SLC30A5: variants seen among roughly 807,000 people sequenced by gnomAD.
SLC30A5 encodes the protein solute carrier family 30 member 5.
SLC30A5 carries 33 observed loss-of-function variants against 79.6 expected under a neutral mutation model. The observed-to-expected ratio is 0.41, with a 90% CI of 0.31 to 0.55. The LOEUF (loss-of-function observed/expected upper bound fraction) is 0.55, where lower values mean the gene tolerates loss of function less well. SLC30A5 is among the 20% of genes least tolerant of loss of function. The probability of loss-of-function intolerance (pLI) is 0.20; values close to 1 mark genes in which losing one functional copy is unlikely to be tolerated. For missense variants in SLC30A5, 788 were observed against 928.1 expected (o/e 0.85, Z 1.96); for synonymous variants, 299 against 319.7 (o/e 0.94, Z 0.69).
At position 69,129,858 on chromosome 5, in the gene SLC30A5, A is replaced by G. The variant is rs1462666314; in HGVS notation, c.*241A>G. On this transcript the variant is annotated 3_prime_UTR_variant, in exon 16 of 16. Coordinates refer to ENST00000396591, the MANE Select transcript of SLC30A5 (RefSeq NM_022902.5). ...ATCAAATTTTGAGTAAACATGATGTATTACATCATCTTCAAAAATAGATAT... is the reference window on the plus strand; with the variant it reads ...ATCAAATTTTGAGTAAACATGATGTGTTACATCATCTTCAAAAATAGATAT... 3.2e-6 allele frequency: 1 copy of G among 312,202 alleles called. No individual in the cohort carries two copies. Among genetic ancestry groups the G allele is most frequent in the East Asian group, 5.2e-5 (1 of 19,146 alleles). The allele number at this position is 312,202 out of a possible 1,614,324, so 19.3% of individuals were successfully genotyped here.
rs748454192 is a variant in SLC30A5 at position 69,108,316 on chromosome 5, C to T, written c.360-33C>T. The T allele has an allele frequency of 1.2e-5, 18 of 1,511,708 alleles. No individual in the cohort carries two copies. The African/African-American group carries it at 2.1e-4, about 17-fold the overall frequency. The allele number at this position is 1,511,708 out of a possible 1,614,324, so 93.6% of individuals were successfully genotyped here. A position where few individuals can be genotyped will look rare whatever the true frequency, so the allele number is the denominator to read the frequency against. On this transcript the variant is annotated intron_variant, in intron 4 of 15. Coordinates refer to ENST00000396591, the MANE Select transcript of SLC30A5 (RefSeq NM_022902.5). ...CATGCGTCTTGATAAAGATAAATTACATTTCATAAATGATAATGTTTTATT... is the reference window on the plus strand; with the variant it reads ...CATGCGTCTTGATAAAGATAAATTATATTTCATAAATGATAATGTTTTATT...
At chr5:69,115,896 G>C (rs748649037) in intron 8 of SLC30A5, 30 bp from the exon 9 acceptor site, 1 of 1,557,406 alleles carries the variant, frequency 6.4e-7, no homozygotes, top group Non-Finnish European at 8.7e-7. Flanking sequence ...TACATGTATA[G>C]TCTTGACAAT....
chr5:69,098,451 G>A (rs549394815), intron 1 of SLC30A5, among the ~76,000 whole-genome samples: 42 of 152,034 alleles, frequency 2.8e-4, no homozygotes, highest in East Asian at 7.7e-4. Context: ...GCTTGAACCC[G>A]GGGGTTCAAT....
intron 5 of SLC30A5, among the ~76,000 whole-genome samples, chr5:69,110,440 C>T (rs776066954): frequency 3.9e-5 from 6 of 152,116 alleles, no homozygotes; most frequent in Non-Finnish European, 8.8e-5. Flanking sequence ...CCAAGTAGAG[C>T]AGAGTAAAAG....
intron 15 of SLC30A5, among the ~76,000 whole-genome samples, chr5:69,128,804 A>T (rs1030894528): frequency 2.2e-4 from 33 of 152,158 alleles, no homozygotes; most frequent in African/African-American, 7.5e-4. Context: ...ATGTTTGGAG[A>T]TAGAGGTCAG....
rs368077529 is a variant in SLC30A5 at position 69,128,122 on chromosome 5, T to C, written c.2117T>C (p.Ile706Thr). 3.7e-6 allele frequency: 6 copies of C among 1,609,254 alleles called. No individual in the cohort carries two copies. In the African/African-American group the frequency reaches 8.0e-5, roughly 22 times the overall value. Reference protein sequence around the residue: ...QVTSDVLEQRIVQQVTGILKD... With the variant: ...QVTSDVLEQRTVQQVTGILKD... ...ACATCTGATGTGCTAGAACAAAGAATAGTACAGCAGGTAATCTTTTGTTTT... is the reference window on the plus strand; with the variant it reads ...ACATCTGATGTGCTAGAACAAAGAACAGTACAGCAGGTAATCTTTTGTTTT... Residue 706 changes from isoleucine to threonine, a missense_variant, in exon 15 of 16, where the codon ATA becomes ACA. By Grantham distance (89) the Ile-to-Thr change is moderately conservative (BLOSUM62 -1). Around this residue, in one of 3 missense-constraint regions of SLC30A5, gnomAD observed 158 missense variants for 156.2 expected, o/e 1.01. Transcript: ENST00000396591.
In SLC30A5 at chr5:69,094,262, G is replaced by A. The variant is rs1268856882; in HGVS notation, c.7G>A (p.Glu3Lys). Residue 3 changes from glutamate (E) to lysine (K), a missense_variant, in exon 1 of 16, where the codon GAG (glutamate) becomes AAG (lysine). Transcript: ENST00000396591. ...GCGGCTCGTGAGCCCCGGGATGGAG[G>A]AGAAATACGGCGGGGACGTGCTGGC... ME[E>K]KYGGDVLAGP... 10 of 1,251,802 alleles carry A rather than the reference G, an allele frequency of 8.0e-6. No homozygotes were observed. The highest frequency in any genetic ancestry group is 2.4e-4 in the Middle Eastern group (1 of 4,244). The allele number at this position is 1,251,802 out of a possible 1,614,324, so 77.5% of individuals were successfully genotyped here.
At chr5:69,125,898 T>TAAAAAAAAAAAAAAAAAAAAAAA (rs1167851324) in intron 14 of SLC30A5, among the ~76,000 whole-genome samples, 2 of 102,512 alleles carry the variant, frequency 2.0e-5, no homozygotes, top group Non-Finnish European at 1.8e-5. Flanking sequence ...AAAAAAAAAT[T>TAAAAAAAAAAAAAAAAAAAAAAA]AGCTGGGTGT....
intron 14 of SLC30A5, among the ~76,000 whole-genome samples, chr5:69,124,152 C>CAAGAATA (rs1459182680): frequency 1.4e-5 from 2 of 142,826 alleles, no homozygotes; most frequent in African/African-American, 5.2e-5. Flanking sequence ...GGTCCTTGCA[C>CAAGAATA]AAGAATAAAG....
intron 1 of SLC30A5, among the ~76,000 whole-genome samples, chr5:69,098,983 G>A (rs939935180): frequency 2.6e-5 from 4 of 152,184 alleles, no homozygotes; most frequent in Admixed American, 6.6e-5. Flanking sequence ...ATTATAACTA[G>A]TATTTGATTT....
In SLC30A5 at chr5:69,128,127, C is replaced by T. The variant is rs1487400239; in HGVS notation, c.2122C>T (p.Gln708Ter). 2 of 1,604,090 alleles carry T rather than the reference C, an allele frequency of 1.2e-6. No individual in the cohort carries two copies. The highest frequency in any genetic ancestry group is 1.7e-6 in the Non-Finnish European group (2 of 1,175,520). ...TGATGTGCTAGAACAAAGAATAGTA[C>T]AGCAGGTAATCTTTTGTTTTTAAAG... The part of the protein sequence containing the change: ...TSDVLEQRIV[Q>*]QVTGILKDAG... The change falls in exon 15 of 16, where the codon CAG becomes TAG. Residue 708 changes from glutamine to a stop codon, truncating the protein, a stop_gained. Coordinates refer to ENST00000396591, the MANE Select transcript of SLC30A5 (RefSeq NM_022902.5). LOFTEE classifies it high-confidence loss of function.
intron 1 of SLC30A5, among the ~76,000 whole-genome samples, chr5:69,095,305 A>G (rs556393320): frequency 6.6e-6 from 1 of 150,484 alleles, no homozygotes; most frequent in South Asian, 2.1e-4. Context: ...GGTTCAAAAG[A>G]TTCTCCTGCC....
intron 15 of SLC30A5, 101 bp downstream of exon 15, chr5:69,128,233 A>C: frequency 1.2e-6 from 1 of 840,440 alleles, no homozygotes; most frequent in Non-Finnish European, 1.7e-6. Context: ...CTATTCAGAA[A>C]TATCAATCTT....
rs757087466 is a variant in SLC30A5 at position 69,116,551 on chromosome 5, T to A, written c.1230T>A (p.Ile410=). ...PRFIKESLKQ[I]LEESDSRQIF... is the part of the protein sequence containing the mutation. ...TTATTAAGGAATCACTAAAACAAAT[T>A]CTTGAGGAGAGTGACTCTAGGCAGA... The change falls in exon 10 of 16, where the codon ATT becomes ATA. Residue 410 remains isoleucine (I), a synonymous_variant. Transcript: ENST00000396591. The surrounding 1 kb of genome is among the most constrained non-coding windows in gnomAD (Gnocchi z 4.0). 1 of 1,610,010 alleles carries A rather than the reference T, an allele frequency of 6.2e-7. No homozygotes were observed. Among genetic ancestry groups the A allele is most frequent in the Non-Finnish European group, 8.5e-7 (1 of 1,178,888 alleles).
intron 4 of SLC30A5, among the ~76,000 whole-genome samples, chr5:69,106,969 A>T (rs895953482): frequency 1.3e-5 from 2 of 151,276 alleles, no homozygotes; most frequent in Non-Finnish European, 2.9e-5. Context: ...GGCTCAAGGG[A>T]TCCTCCCACC....
chr5:69,101,644 A>G (rs1561287390), intron 2 of SLC30A5, among the ~76,000 whole-genome samples: 1 of 151,596 alleles, frequency 6.6e-6, no homozygotes, highest in Non-Finnish European at 1.5e-5. Context: ...CCTCTGTGTT[A>G]ATAAAAACCT....
At chr5:69,118,903 C>T (rs140241914) in intron 12 of SLC30A5, among the ~76,000 whole-genome samples, 2,367 of 150,446 alleles carry the variant, frequency 0.016, 50 homozygotes, top group African/African-American at 0.054. Context: ...CAGGCTCAAG[C>T]GATTCTCGTG....
At chr5:69,127,732 AT>A (rs529630780) in intron 14 of SLC30A5, among the ~76,000 whole-genome samples, 6 of 151,940 alleles carry the variant, frequency 3.9e-5, no homozygotes, top group East Asian at 3.9e-4. Context: ...CCTAGGTGAG[AT>A]TTTTTTTCCC....
At chr5:69,110,787 A>T (rs1047470026) in intron 5 of SLC30A5, among the ~76,000 whole-genome samples, 2 of 152,218 alleles carry the variant, frequency 1.3e-5, no homozygotes, top group Non-Finnish European at 2.9e-5. Flanking sequence ...CTTTCAAAGT[A>T]TAAATCACCC....
Sources: allele counts gnomAD v4.1 joint callset (sites outside exome capture counted in the v4.1 genomes callset), GRCh38; gene constraint gnomAD v4.1.1; regional missense constraint gnomAD v4.1.1; non-coding constraint Gnocchi (gnomAD v3.1); transcripts MANE v1.5; gene names NCBI Gene and HGNC (gene_info 2026-07-23, HGNC 2026-07-21).